DGKB: variants seen among roughly 807,000 people sequenced by gnomAD.
The protein encoded by DGKB is diacylglycerol kinase beta, also known as 90 kDa diacylglycerol kinase.
DGKB carries 67 observed loss-of-function variants against 114.3 expected under a neutral mutation model. That is an observed-to-expected ratio of 0.59 (90% CI 0.48 to 0.72). The LOEUF (loss-of-function observed/expected upper bound fraction) is 0.72. DGKB is among the 30% of genes least tolerant of loss of function. The pLI is 0.00. For synonymous variants in DGKB, 398 were observed against 323.1 expected (o/e 1.23, Z -2.49); for missense variants, 907 against 975.2 (o/e 0.93, Z 0.93).
intron 13 of DGKB, among the ~76,000 whole-genome samples, chr7:14,647,415 C>G (rs756708641): frequency 6.6e-6 from 1 of 152,074 alleles, no homozygotes; most frequent in Non-Finnish European, 1.5e-5. Flanking sequence ...TAAAGACAAA[C>G]GAAACCAATT....
At chr7:14,447,789 T>G (rs1249407292) in intron 21 of DGKB, among the ~76,000 whole-genome samples, 4 of 152,066 alleles carry the variant, frequency 2.6e-5, no homozygotes, top group Non-Finnish European at 5.9e-5. Context: ...ACCACTGACT[T>G]TTTCTAAGCT....
chr7:14,436,758 G>C lies in DGKB; in HGVS notation c.1835+41403C>G, dbSNP rs916700936. On this transcript the variant is annotated intron_variant, in intron 21 of 25. Transcript: ENST00000402815. Reference sequence around the variant, plus strand: ...TGTTTCTACCACAAAACTCATTACAGATAGTCTAGCCTTAGCTCAAATTTT... The same window carrying C: ...TGTTTCTACCACAAAACTCATTACACATAGTCTAGCCTTAGCTCAAATTTT... Among the ~76,000 whole-genome samples, 9 of 152,208 alleles carry C rather than the reference G, an allele frequency of 5.9e-5. 2 individuals carry two copies.
upstream of DGKB, among the ~76,000 whole-genome samples, chr7:14,905,251 T>G (rs1587352782): frequency 1.3e-5 from 2 of 151,036 alleles, no homozygotes; most frequent in Admixed American, 1.3e-4. Context: ...TTAGTTTTTT[T>G]TTTTTTTTTT....
At position 14,920,949 on chromosome 7, in the gene DGKB, A is replaced by C. The variant is rs373788367; in HGVS notation, c.-188+53747T>G. Among the ~76,000 whole-genome samples the C allele has an allele frequency of 2.6e-5, 4 of 152,218 alleles. No homozygotes were observed. The East Asian group carries it at 5.8e-4, about 22-fold the overall frequency. The stretch of plus-strand genomic sequence containing the variant: ...TTAATTTTTTTTCATTCCCACTTTA[A>C]ATTTTCCATTCCCACTCTAGGTTCA... On this transcript the variant is annotated intron_variant, in intron 1 of 4. Transcript: ENST00000437998.
rs1308951925 is a variant in DGKB at position 14,580,922 on chromosome 7, C to G, written c.1549G>C (p.Val517Leu). 6.2e-7 allele frequency: 1 copy of G among 1,603,926 alleles called. No homozygotes were observed. Among genetic ancestry groups the G allele is most frequent in the African/African-American group, 1.3e-5 (1 of 74,714 alleles). ...EKANVGKHPPVAILPLGTGND... is the reference protein window; with the variant it reads ...EKANVGKHPPLAILPLGTGND... ...CCAGTCCCAAGAGGCAGAATCGCAA[C>G]TGGAGGATGCTTGCCTACATTGGCC... The change falls in exon 19 of 26, where the codon GTT becomes CTT. Residue 517 changes from valine to leucine, a missense_variant. Physicochemically the swap from Val to Leu is conservative, Grantham distance 32 (BLOSUM62 1). This residue lies in a region of DGKB where 814 missense variants were observed against 856.6 expected (regional missense o/e 0.95). Transcript: ENST00000402815.
At chr7:14,733,853 G>A (rs1159436891) in intron 5 of DGKB, among the ~76,000 whole-genome samples, 1 of 151,580 alleles carries the variant, frequency 6.6e-6, no homozygotes, top group Admixed American at 6.6e-5. Flanking sequence ...AAGGAAAGAA[G>A]GAAGGAAGAA....
chr7:14,757,641 A>T lies in DGKB; in HGVS notation c.147+14T>A. On this transcript the variant is annotated intron_variant, in intron 3 of 25. Coordinates refer to ENST00000402815, the MANE Select transcript of DGKB (RefSeq NM_001350709.2). ...CATATATACGAAACTGATATAAAGAAAAAGAAGTTTTACCCCTTCAGGATT... is the reference window on the plus strand; with the variant it reads ...CATATATACGAAACTGATATAAAGATAAAGAAGTTTTACCCCTTCAGGATT... 1 of 1,502,618 alleles carries T rather than the reference A, an allele frequency of 6.7e-7. No homozygotes were observed. The allele number at this position is 1,502,618 out of a possible 1,614,324, so 93.1% of individuals were successfully genotyped here. A position where few individuals can be genotyped will look rare whatever the true frequency, so the allele number is the denominator to read the frequency against.
At chr7:14,453,815 G>A (rs1401583194) in intron 21 of DGKB, among the ~76,000 whole-genome samples, 1 of 152,094 alleles carries the variant, frequency 6.6e-6, no homozygotes, top group Admixed American at 6.6e-5. Context: ...AGTGACCTTG[G>A]TTGTGTTCCA....
chr7:14,834,043 A>T (rs775496881), intron 2 of DGKB, among the ~76,000 whole-genome samples: 5 of 152,092 alleles, frequency 3.3e-5, no homozygotes, highest in African/African-American at 9.7e-5. Flanking sequence ...TCTATTTATT[A>T]TTTACTGTGG....
At chr7:14,703,114 A>G (rs1213335340) in intron 6 of DGKB, among the ~76,000 whole-genome samples, 3 of 152,234 alleles carry the variant, frequency 2.0e-5, no homozygotes, top group Non-Finnish European at 4.4e-5. Flanking sequence ...TAGGCATTTC[A>G]AGAGATTGTA....
chr7:14,498,280 A>G (rs1021539459), intron 20 of DGKB, among the ~76,000 whole-genome samples: 3 of 151,868 alleles, frequency 2.0e-5, no homozygotes, highest in South Asian at 4.1e-4. Flanking sequence ...TTTAAATCTC[A>G]TTAAAATATA....
At chr7:14,219,551 C>T (rs1047463862) in intron 23 of DGKB, among the ~76,000 whole-genome samples, 6 of 151,682 alleles carry the variant, frequency 4.0e-5, no homozygotes, top group African/African-American at 1.2e-4. Context: ...ATTAGTATCT[C>T]TTCTATACGT....
chr7:14,323,530 A>T (rs1808192734), intron 23 of DGKB, among the ~76,000 whole-genome samples: 1 of 152,212 alleles, frequency 6.6e-6, no homozygotes, highest in African/African-American at 2.4e-5. Context: ...GCTTCTCTTA[A>T]GAGAGCATAT....
At chr7:14,644,771 T>C (rs937826879) in intron 13 of DGKB, among the ~76,000 whole-genome samples, 1 of 152,198 alleles carries the variant, frequency 6.6e-6, no homozygotes, top group Non-Finnish European at 1.5e-5. Flanking sequence ...GGGAAAGACA[T>C]GGAAACCTAT....
At chr7:14,913,880 G>A (rs1452633820) in intron 1 of DGKB, among the ~76,000 whole-genome samples, 2 of 152,076 alleles carry the variant, frequency 1.3e-5, no homozygotes, top group Admixed American at 6.6e-5. Flanking sequence ...AGTTCACAGA[G>A]TAAACTACTA....
chr7:14,680,027 T>C (rs1163012448), intron 12 of DGKB, among the ~76,000 whole-genome samples: 2 of 151,990 alleles, frequency 1.3e-5, no homozygotes, highest in African/African-American at 2.4e-5. Context: ...AGTTGTGTTT[T>C]ATGAACTTAA....
At chr7:14,775,727 G>A (rs1838068574) in intron 2 of DGKB, among the ~76,000 whole-genome samples, 1 of 151,974 alleles carries the variant, frequency 6.6e-6, no homozygotes, top group African/African-American at 2.4e-5. Flanking sequence ...GTTTCCTGAG[G>A]CCTCCCCAGC....
chr7:14,483,062 T>A (rs968012405), intron 20 of DGKB, among the ~76,000 whole-genome samples: 1 of 152,154 alleles, frequency 6.6e-6, no homozygotes, highest in Non-Finnish European at 1.5e-5. Flanking sequence ...CTCTGCTATA[T>A]TAGTTTTTCT....
intron 23 of DGKB, among the ~76,000 whole-genome samples, chr7:14,334,555 GT>G (rs894389047): frequency 1.8e-4 from 28 of 151,410 alleles, no homozygotes; most frequent in African/African-American, 6.3e-4. Flanking sequence ...TTTTATTATA[GT>G]TTTTTTATTG....
Sources: allele counts gnomAD v4.1 joint callset (sites outside exome capture counted in the v4.1 genomes callset), GRCh38; gene constraint gnomAD v4.1.1; regional missense constraint gnomAD v4.1.1; transcripts MANE v1.5; gene names NCBI Gene and HGNC (gene_info 2026-07-23, HGNC 2026-07-21).